The following ROBO2 variants were observed in gnomAD, a reference collection of about 807,000 sequenced individuals.
The protein encoded by ROBO2 is roundabout homolog 2.
In ROBO2, 53 loss-of-function variants were observed where a neutral mutation model predicts 160.8. The ratio of observed to expected loss-of-function variants is 0.33; its 90% CI spans 0.26 to 0.41. The LOEUF is 0.41. Ranked by LOEUF, ROBO2 falls within the 10% of genes least tolerant of loss-of-function variation. The pLI, the probability that ROBO2 is intolerant of heterozygous loss-of-function variation, is 1.00. For synonymous variants in ROBO2, 664 were observed against 611.7 expected, an observed-to-expected ratio of 1.09 and a Z score of -1.26; for missense variants, 1,577 against 1,722.4, an observed-to-expected ratio of 0.92 and a Z score of 1.49.
At chr3:76,155,843 A>G (rs546117875) in intron 2 of ROBO2, among the ~76,000 whole-genome samples, 1 of 152,172 alleles carries the variant, frequency 6.6e-6, no homozygotes, top group Non-Finnish European at 1.5e-5. Context: ...TATTACTGTC[A>G]CTTAAATGTA....
chr3:76,241,833 T>G (rs1299317900), intron 2 of ROBO2, among the ~76,000 whole-genome samples: 1 of 152,222 alleles, frequency 6.6e-6, no homozygotes, highest in East Asian at 1.9e-4. Flanking sequence ...GTAATGGTTA[T>G]TCCTTGTGTA....
At chr3:76,976,471 T>C (rs1314317703) in intron 2 of ROBO2, among the ~76,000 whole-genome samples, 2 of 152,192 alleles carry the variant, frequency 1.3e-5, no homozygotes, top group African/African-American at 2.4e-5. Flanking sequence ...ATGACCAGCA[T>C]TTTCTGTTTA....
chr3:75,957,487 G>A lies in ROBO2; in HGVS notation c.109+19885G>A, dbSNP rs185679390. Among the ~76,000 whole-genome samples, 45 of 150,290 alleles carry A rather than the reference G, an allele frequency of 3.0e-4. No homozygotes were observed. In the South Asian group the frequency reaches 3.1e-3, roughly 10 times the overall value. The stretch of plus-strand genomic sequence containing the variant: ...TGCTAAGCTTTCTACATAAGTTCCC[G>A]CATATAGTTTAGTTTTTAATAGAAG... On this transcript the variant is annotated intron_variant, in intron 2 of 26. Transcript: ENST00000487694.
At chr3:76,207,568 T>A (rs1702890530) in intron 2 of ROBO2, among the ~76,000 whole-genome samples, 1 of 152,184 alleles carries the variant, frequency 6.6e-6, no homozygotes. Context: ...GTTCACATAT[T>A]CACTAAACAT....
intron 2 of ROBO2, among the ~76,000 whole-genome samples, chr3:77,232,449 T>C (rs1370669854): frequency 6.6e-6 from 1 of 152,090 alleles, no homozygotes; most frequent in African/African-American, 2.4e-5. Flanking sequence ...GTGAATCTGA[T>C]AAAAATGGAT....
At chr3:76,303,058 A>C (rs539944687) in intron 2 of ROBO2, among the ~76,000 whole-genome samples, 7 of 152,242 alleles carry the variant, frequency 4.6e-5, no homozygotes, top group African/African-American at 1.7e-4. Flanking sequence ...AACCATGTCA[A>C]CCTTTCTAGC....
At chr3:76,979,947 T>C (rs1483292608) in intron 2 of ROBO2, among the ~76,000 whole-genome samples, 1 of 149,608 alleles carries the variant, frequency 6.7e-6, no homozygotes, top group East Asian at 1.9e-4. Flanking sequence ...TATAGAGACT[T>C]GGTTAAAAAA....
At chr3:75,920,036 T>C (rs1946968919) in intron 1 of ROBO2, among the ~76,000 whole-genome samples, 1 of 152,198 alleles carries the variant, frequency 6.6e-6, no homozygotes, top group African/African-American at 2.4e-5. Context: ...TTCTCTCCCA[T>C]TCAGTTCTGC....
chr3:76,096,351 A>G (rs901155985), intron 2 of ROBO2, among the ~76,000 whole-genome samples: 8 of 152,202 alleles, frequency 5.3e-5, no homozygotes. Context: ...AAAATAAGAG[A>G]AATTAAACTA....
chr3:77,534,732 C>T (rs543688999), intron 6 of ROBO2, among the ~76,000 whole-genome samples: 7 of 152,254 alleles, frequency 4.6e-5, no homozygotes, highest in African/African-American at 1.7e-4. Context: ...TAAAATCTCA[C>T]TTATGGCAAG....
chr3:76,772,475 G>T, intron 2 of ROBO2, among the ~76,000 whole-genome samples: 1 of 144,248 alleles, frequency 6.9e-6, no homozygotes. Context: ...CATGATTATT[G>T]CTCTTCTCTC....
chr3:76,506,436 T>G (rs373367820), intron 2 of ROBO2, among the ~76,000 whole-genome samples: 2 of 152,308 alleles, frequency 1.3e-5, no homozygotes, highest in East Asian at 1.9e-4. Context: ...ATCCTTCGTT[T>G]TCTTGCCCCT....
At chr3:77,617,303 T>G (rs903249968) in intron 21 of ROBO2, among the ~76,000 whole-genome samples, 4 of 152,124 alleles carry the variant, frequency 2.6e-5, no homozygotes, top group Non-Finnish European at 5.9e-5. Flanking sequence ...AAGAATAAAT[T>G]GAGATATTGA....
intron 2 of ROBO2, among the ~76,000 whole-genome samples, chr3:76,958,154 GTTTCA>G (rs1445076660): frequency 6.6e-6 from 1 of 152,140 alleles, no homozygotes; most frequent in East Asian, 1.9e-4. Flanking sequence ...GAGCTGCCTC[GTTTCA>G]TTGCTGCGAC....
At chr3:77,627,414 G>A (rs1043222854) in intron 23 of ROBO2, among the ~76,000 whole-genome samples, 1 of 151,968 alleles carries the variant, frequency 6.6e-6, no homozygotes, top group African/African-American at 2.4e-5. Flanking sequence ...TGAGTAGCTG[G>A]GATTGCAGGC....
chr3:76,490,065 G>C (rs2079731519), intron 2 of ROBO2, among the ~76,000 whole-genome samples: 1 of 152,146 alleles, frequency 6.6e-6, no homozygotes, highest in African/African-American at 2.4e-5. Context: ...TCTCCTAAAT[G>C]CCAAATGCTT....
At chr3:76,798,264 G>GAA (rs1436030128) in intron 2 of ROBO2, among the ~76,000 whole-genome samples, 2 of 105,352 alleles carry the variant, frequency 1.9e-5, no homozygotes, top group East Asian at 2.7e-4. Flanking sequence ...AAGAAGGAAA[G>GAA]AAAGAAAGAA....
chr3:77,156,930 C>G (rs2078063960), intron 2 of ROBO2, among the ~76,000 whole-genome samples: 1 of 151,892 alleles, frequency 6.6e-6, no homozygotes, highest in Non-Finnish European at 1.5e-5. Context: ...TTGGTCCCCA[C>G]AACAGCAACA....
intron 16 of ROBO2, among the ~76,000 whole-genome samples, chr3:77,583,215 TC>T (rs1431633359): frequency 6.6e-6 from 1 of 151,530 alleles, no homozygotes; most frequent in African/African-American, 2.4e-5. Context: ...CATGAGTGCT[TC>T]AGTCTTTTCA....
Sources: gnomAD v4.1 joint callset for allele counts (sites outside exome capture counted in the v4.1 genomes callset) on GRCh38, gnomAD v4.1.1 for gene constraint, MANE v1.5 for transcripts, NCBI Gene and HGNC (gene_info 2026-07-23, HGNC 2026-07-21) for gene names.